The following SKA2 variants were observed in gnomAD, a reference collection of about 807,000 sequenced individuals.
SKA2 encodes spindle and kinetochore-associated protein 2.
In SKA2, 13 loss-of-function variants were observed where a neutral mutation model predicts 16.9. The ratio of observed to expected loss-of-function variants is 0.77; its 90% CI spans 0.50 to 1.22. The LOEUF (loss-of-function observed/expected upper bound fraction) is 1.22. SKA2 is among the 50% of genes most tolerant of loss of function. The pLI is 0.00. For synonymous variants in SKA2, 47 were observed against 48.5 expected, an observed-to-expected ratio of 0.97 and a Z score of 0.13; for missense variants, 107 against 139.7, an observed-to-expected ratio of 0.77 and a Z score of 1.18.
Position 59,142,339 on chromosome 17 carries a change from G to A in SKA2, c.34-10972C>T, listed in dbSNP as rs2046497083. On this transcript the variant is annotated intron_variant, in intron 1 of 3. Transcript: ENST00000330137. ...GCGTTTCGCTCTTGTTGCCCAGGCT[G>A]GAGTGCAATGATGTGATCTCGGCTC... 4.0e-5 allele frequency among the ~76,000 whole-genome samples: 6 copies of A among 148,822 alleles called. No homozygotes were observed. In the Admixed American group the frequency reaches 4.0e-4, roughly 10 times the overall value.
chr17:59,131,930 T>C, intron 1 of SKA2, among the ~76,000 whole-genome samples: 1 of 152,162 alleles, frequency 6.6e-6, no homozygotes, highest in Non-Finnish European at 1.5e-5. Flanking sequence ...AACCCCAATT[T>C]ACTGAACCTG....
chr17:59,153,950 T>G (rs1347329981), intron 1 of SKA2, among the ~76,000 whole-genome samples: 1 of 151,658 alleles, frequency 6.6e-6, no homozygotes, highest in African/African-American at 2.4e-5. Context: ...TTTTTTATTT[T>G]TAGTATAGAC....
intron 1 of SKA2, among the ~76,000 whole-genome samples, chr17:59,153,779 A>T (rs973272354): frequency 6.6e-6 from 1 of 152,042 alleles, no homozygotes; most frequent in Non-Finnish European, 1.5e-5. Flanking sequence ...TTTAAAACTT[A>T]ATCTTTTTTT....
At chr17:59,114,403 C>T (rs906326264) in intron 3 of SKA2, among the ~76,000 whole-genome samples, 4 of 152,166 alleles carry the variant, frequency 2.6e-5, no homozygotes, top group African/African-American at 7.2e-5. Flanking sequence ...TGTATATATA[C>T]ACTCAGGCTA....
rs184793752 is a variant in SKA2 at position 59,142,569 on chromosome 17, C to T, written c.34-11202G>A. On this transcript the variant is annotated intron_variant, in intron 1 of 3. Transcript: ENST00000330137. ...CCTCCCAAAGTGCTAGGATTACAGG[C>T]GTGAGTCACCGTGCCCAGCCTATGT... Among the ~76,000 whole-genome samples the T allele has an allele frequency of 7.6e-3, 1,152 of 151,428 alleles. 6 individuals carry two copies. The highest frequency in any genetic ancestry group is 0.015 in the South Asian group (70 of 4,784).
chr17:59,139,830 T>A (rs963664511), intron 1 of SKA2, among the ~76,000 whole-genome samples: 2 of 152,172 alleles, frequency 1.3e-5, no homozygotes, highest in African/African-American at 4.8e-5. Context: ...GATCGCTTTT[T>A]TGTATCCTTA....
intron 1 of SKA2, among the ~76,000 whole-genome samples, chr17:59,132,214 T>C (rs565234318): frequency 2.6e-5 from 4 of 151,708 alleles, no homozygotes; most frequent in East Asian, 1.9e-4. Context: ...AAATTAGCTG[T>C]GCATGGTGGC....
intron 1 of SKA2, chr17:59,151,216 A>G: frequency 2.0e-6 from 1 of 507,604 alleles, no homozygotes; most frequent in Non-Finnish European, 4.1e-6. Context: ...AGCATTCGTT[A>G]GCAGTAATAA....
rs1231783081 is a variant in SKA2 at position 59,116,849 on chromosome 17, C to T, written c.297+2470G>A. ...TTTTTTTTTTTTTGAGACAGAGTCT[C>T]GCTCTGTTGCCAGGCTGAAGTGCAG... On this transcript the variant is annotated intron_variant, in intron 3 of 3. Coordinates refer to ENST00000330137, the MANE Select transcript of SKA2 (RefSeq NM_182620.4). Among the ~76,000 whole-genome samples the T allele has an allele frequency of 6.0e-5, 7 of 116,794 alleles. No homozygotes were observed. The South Asian group carries it at 1.2e-3, about 20-fold the overall frequency. 76.6% of individuals were successfully genotyped at this position (116,794 alleles called of 152,430 possible).
At chr17:59,150,038 A>T (rs2046565374) in intron 1 of SKA2, among the ~76,000 whole-genome samples, 1 of 152,174 alleles carries the variant, frequency 6.6e-6, no homozygotes, top group Non-Finnish European at 1.5e-5. Flanking sequence ...CTTTTTGTAA[A>T]GTAACAGAAA....
At chr17:59,123,849 G>C (rs1006821169) in intron 2 of SKA2, among the ~76,000 whole-genome samples, 1 of 152,082 alleles carries the variant, frequency 6.6e-6, no homozygotes, top group Non-Finnish European at 1.5e-5. Context: ...TTACAGATGA[G>C]GAAATTAAAG....
At chr17:59,123,413 T>C (rs1313575800) in intron 2 of SKA2, among the ~76,000 whole-genome samples, 2 of 151,614 alleles carry the variant, frequency 1.3e-5, no homozygotes, top group African/African-American at 4.9e-5. Flanking sequence ...AAAAATTAGC[T>C]GGGCAGGGTG....
chr17:59,135,310 CTTT>C (rs71145527), intron 1 of SKA2, among the ~76,000 whole-genome samples: 1 of 126,126 alleles, frequency 7.9e-6, no homozygotes, highest in Non-Finnish European at 1.7e-5. Flanking sequence ...ACTAAACTGT[CTTT>C]TTTTTTTTTT....
Position 59,111,854 on chromosome 17 carries a change from A to G in SKA2, c.*423T>C. 1 of 158,594 alleles carries G rather than the reference A, an allele frequency of 6.3e-6. No individual in the cohort carries two copies. The highest frequency in any genetic ancestry group is 1.4e-5 in the Non-Finnish European group (1 of 71,052). The allele number at this position is 158,594 out of a possible 1,614,324, so 9.8% of individuals were successfully genotyped here. A position where few individuals can be genotyped will look rare whatever the true frequency, so the allele number is the denominator to read the frequency against. On this transcript the variant is annotated 3_prime_UTR_variant, in exon 4 of 4. Coordinates refer to ENST00000330137, the MANE Select transcript of SKA2 (RefSeq NM_182620.4). ...GAAATTATATATCATGTATAACACA[A>G]ATGTTTTGCCTATACTTTAATTTAC...
At chr17:59,151,209 A>G (rs1305553367) in intron 1 of SKA2, 1 of 509,570 alleles carries the variant, frequency 2.0e-6, no homozygotes, top group Non-Finnish European at 4.1e-6. Flanking sequence ...AAGTCAGAGC[A>G]TTCGTTAGCA....
intron 2 of SKA2, 83 bp from the exon 3 acceptor site, chr17:59,119,578 C>T: frequency 1.7e-6 from 2 of 1,207,810 alleles, no homozygotes; most frequent in Non-Finnish European, 2.4e-6. Context: ...ACATACAACA[C>T]ATTCTACCAT....
At chr17:59,113,783 G>A (rs1168505024) in intron 3 of SKA2, among the ~76,000 whole-genome samples, 1 of 150,226 alleles carries the variant, frequency 6.7e-6, no homozygotes. Flanking sequence ...CCAAGATTAC[G>A]CCATTGCACT....
chr17:59,151,846 C>T (rs1362294963), intron 1 of SKA2: 1 of 152,198 alleles, frequency 6.6e-6, no homozygotes, highest in Non-Finnish European at 1.5e-5. Context: ...CTAAACAGAA[C>T]ATTAACCCTA....
intron 1 of SKA2, among the ~76,000 whole-genome samples, chr17:59,135,310 C>CTTTT (rs71145527): frequency 2.9e-4 from 37 of 126,144 alleles, no homozygotes; most frequent in Non-Finnish European, 4.8e-4. Flanking sequence ...ACTAAACTGT[C>CTTTT]TTTTTTTTTT....
Sources: allele counts gnomAD v4.1 joint callset (sites outside exome capture counted in the v4.1 genomes callset), GRCh38; gene constraint gnomAD v4.1.1; transcripts MANE v1.5; gene names NCBI Gene and HGNC (gene_info 2026-07-23, HGNC 2026-07-21).